SSX2IP: variants seen among roughly 807,000 people sequenced by gnomAD.
SSX2IP encodes the protein SSX family member 2 interacting protein.
In SSX2IP, 55 loss-of-function variants were observed where a neutral mutation model predicts 84.9. The observed-to-expected ratio is 0.65, with a 90% confidence interval of 0.52 to 0.81. The LOEUF (loss-of-function observed/expected upper bound fraction) is 0.81. SSX2IP is among the 30% of genes least tolerant of loss of function. The pLI, the probability that SSX2IP is intolerant of heterozygous loss-of-function variation, is 0.00. For synonymous variants in SSX2IP, 239 were observed against 234.7 expected (o/e 1.02, Z -0.17); for missense variants, 664 against 705.2 (o/e 0.94, Z 0.66).
chr1:84,677,936 G>A (rs1313708226), intron 1 of SSX2IP, among the ~76,000 whole-genome samples: 2 of 152,196 alleles, frequency 1.3e-5, no homozygotes, highest in Non-Finnish European at 2.9e-5. Flanking sequence ...TGACTCATCT[G>A]TTCTAAGCTG....
intron 1 of SSX2IP, among the ~76,000 whole-genome samples, chr1:84,688,731 C>T (rs1374470554): frequency 6.6e-6 from 1 of 152,178 alleles, no homozygotes; most frequent in African/African-American, 2.4e-5. Flanking sequence ...TTTAACAAGT[C>T]TTGTCACAAG....
chr1:84,664,711 A>C (rs1557495340), intron 5 of SSX2IP, among the ~76,000 whole-genome samples, 159 bp from the exon 6 acceptor site: 4 of 152,146 alleles, frequency 2.6e-5, no homozygotes, highest in Admixed American at 6.6e-5. Context: ...TATATGAATC[A>C]CATAAAGTTT....
intron 11 of SSX2IP, among the ~76,000 whole-genome samples, chr1:84,653,360 G>A (rs1337224831): frequency 1.3e-5 from 2 of 152,018 alleles, no homozygotes; most frequent in East Asian, 1.9e-4. Context: ...ACCACAAGAG[G>A]GCATAGGCAA....
At chr1:84,661,133 A>G (rs1223515682) in intron 8 of SSX2IP, among the ~76,000 whole-genome samples, 2 of 151,448 alleles carry the variant, frequency 1.3e-5, no homozygotes, top group African/African-American at 4.8e-5. Context: ...AAAAAAAGGT[A>G]AGTGCTGGGA....
At position 84,647,007 on chromosome 1, in the gene SSX2IP, CATA is replaced by C. The variant is rs1406832312; in HGVS notation, c.*423_*425del. On this transcript the variant is annotated 3_prime_UTR_variant, in exon 14 of 14. Transcript: ENST00000342203. The stretch of plus-strand genomic sequence containing the variant: ...AGAGGTAATTTCAAACCACACTAAA[CATA>C]ATAAATATAGAACTCGCTTTGTTAA... 2 of 153,004 alleles carry C rather than the reference CATA, an allele frequency of 1.3e-5. No individual in the cohort carries two copies. Among genetic ancestry groups the C allele is most frequent in the Admixed American group, 6.5e-5 (1 of 15,282 alleles). 9.5% of individuals were successfully genotyped at this position (153,004 alleles called of 1,614,324 possible). A position where few individuals can be genotyped will look rare whatever the true frequency, so the allele number is the denominator to read the frequency against.
chr1:84,661,011 G>A (rs1188896269), intron 8 of SSX2IP, among the ~76,000 whole-genome samples: 1 of 148,070 alleles, frequency 6.8e-6, no homozygotes, highest in South Asian at 2.1e-4. Context: ...AGGTTGCAGC[G>A]AGTCGAGATT....
intron 1 of SSX2IP, among the ~76,000 whole-genome samples, chr1:84,684,152 T>C (rs1430396725): frequency 6.6e-6 from 1 of 152,214 alleles, no homozygotes; most frequent in Non-Finnish European, 1.5e-5. Flanking sequence ...AATTCAATCA[T>C]TGGTTATAGT....
In SSX2IP at chr1:84,650,318, G is replaced by A. The variant is rs140804840; in HGVS notation, c.1670+44C>T. 312 of 1,607,278 alleles carry A rather than the reference G, an allele frequency of 1.9e-4. 1 individual carries two copies. In the African/African-American group the frequency reaches 3.2e-3, roughly 17 times the overall value. On this transcript the variant is annotated intron_variant, in intron 13 of 13. Transcript: ENST00000342203. ...CCTTTCCCTTAGCAGTGCAACTTTA[G>A]CAATTTTTAGAAACACGTGAAAAGA...
chr1:84,671,400 A>G (rs1015904392), intron 1 of SSX2IP, 92 bp from the exon 2 acceptor site: 35 of 1,129,334 alleles, frequency 3.1e-5, no homozygotes, highest in Non-Finnish European at 3.9e-5. Context: ...TATGTGCTTC[A>G]AAACAGAAGG....
At chr1:84,649,977 GA>G in intron 13 of SSX2IP, 4 of 590,228 alleles carry the variant, frequency 6.8e-6, no homozygotes, top group African/African-American at 1.8e-5. Flanking sequence ...GGGCATGCCG[GA>G]AAAAAGTGTT....
chr1:84,685,900 G>A (rs139795335), intron 1 of SSX2IP, among the ~76,000 whole-genome samples: 1 of 152,212 alleles, frequency 6.6e-6, no homozygotes, highest in Non-Finnish European at 1.5e-5. Context: ...AGCACAACCA[G>A]ATTACAATTA....
chr1:84,664,291 G>T, intron 6 of SSX2IP, 126 bp downstream of exon 6: 1 of 1,023,358 alleles, frequency 9.8e-7, no homozygotes, highest in Non-Finnish European at 1.3e-6. Context: ...AAACACCACT[G>T]AAAATCAATT....
At chr1:84,654,912 G>C (rs902886105) in intron 11 of SSX2IP, among the ~76,000 whole-genome samples, 10 of 152,076 alleles carry the variant, frequency 6.6e-5, no homozygotes, top group African/African-American at 2.4e-4. Flanking sequence ...TAGAACAAGA[G>C]TAACAACAAG....
intron 11 of SSX2IP, chr1:84,655,240 G>T: frequency 2.6e-6 from 2 of 759,640 alleles, no homozygotes; most frequent in African/African-American, 1.9e-5. Context: ...TACCTCTAAG[G>T]AATGAAACTG....
chr1:84,654,131 G>C (rs1185754045), intron 11 of SSX2IP, among the ~76,000 whole-genome samples: 1 of 152,032 alleles, frequency 6.6e-6, no homozygotes, highest in African/African-American at 2.4e-5. Flanking sequence ...CCAGAACACA[G>C]AGAAGTCAAA....
At chr1:84,684,429 A>G (rs1351925287) in intron 1 of SSX2IP, among the ~76,000 whole-genome samples, 1 of 152,260 alleles carries the variant, frequency 6.6e-6, no homozygotes, top group African/African-American at 2.4e-5. Flanking sequence ...GATTCCAAGA[A>G]TGATGTAAAA....
chr1:84,669,626 T>G, intron 4 of SSX2IP, 55 bp downstream of exon 4: 2 of 1,388,724 alleles, frequency 1.4e-6, no homozygotes, highest in Non-Finnish European at 2.0e-6. Context: ...CAGTAAAAAT[T>G]TATAGTACTC....
chr1:84,685,343 T>C (rs1479478984), intron 1 of SSX2IP, among the ~76,000 whole-genome samples: 3 of 152,186 alleles, frequency 2.0e-5, no homozygotes, highest in African/African-American at 7.2e-5. Context: ...AAGCCATCCA[T>C]TTGCAAAGGA....
chr1:84,684,404 G>A (rs1412562751), intron 1 of SSX2IP, among the ~76,000 whole-genome samples: 1 of 152,142 alleles, frequency 6.6e-6, no homozygotes, highest in Non-Finnish European at 1.5e-5. Flanking sequence ...TCTTATCTAA[G>A]GGTCCTACAA....
Sources: allele counts gnomAD v4.1 joint callset (sites outside exome capture counted in the v4.1 genomes callset), GRCh38; gene constraint gnomAD v4.1.1; transcripts MANE v1.5; gene names NCBI Gene and HGNC (gene_info 2026-07-23, HGNC 2026-07-21).